The following SLIT3 variants were observed in gnomAD, a reference collection of about 807,000 sequenced individuals.
SLIT3 encodes slit guidance ligand 3, also known as slit homolog 3 protein.
SLIT3 carries 68 observed loss-of-function variants against 184.0 expected under a neutral mutation model. The ratio of observed to expected loss-of-function variants is 0.37; its 90% CI spans 0.30 to 0.45. The LOEUF (loss-of-function observed/expected upper bound fraction) is 0.45. Ranked by LOEUF, SLIT3 falls within the 20% of genes least tolerant of loss-of-function variation. The pLI is 1.00. For missense variants in SLIT3, 1,707 were observed against 2,026.0 expected, an observed-to-expected ratio of 0.84 and a Z score of 3.02; for synonymous variants, 831 against 828.6, an observed-to-expected ratio of 1.00 and a Z score of -0.05.
intron 4 of SLIT3, among the ~76,000 whole-genome samples, chr5:169,032,064 T>C (rs1252858388): frequency 6.6e-6 from 1 of 152,130 alleles, no homozygotes; most frequent in Non-Finnish European, 1.5e-5. Context: ...ACAGGCCACA[T>C]AACCAACCCC....
At chr5:169,157,321 A>T (rs1034352950) in intron 4 of SLIT3, among the ~76,000 whole-genome samples, 14 of 152,210 alleles carry the variant, frequency 9.2e-5, no homozygotes, top group African/African-American at 3.1e-4. Flanking sequence ...AGCACCCAGC[A>T]GTAAAGAAGC....
intron 4 of SLIT3, among the ~76,000 whole-genome samples, chr5:169,049,902 T>C (rs929071524): frequency 2.0e-5 from 3 of 152,196 alleles, no homozygotes; most frequent in East Asian, 1.9e-4. Context: ...GAAATGCCAC[T>C]ATAAGCATTT....
chr5:169,099,713 T>C (rs1759935061), intron 4 of SLIT3, among the ~76,000 whole-genome samples: 2 of 152,206 alleles, frequency 1.3e-5, no homozygotes, highest in Admixed American at 6.5e-5. Flanking sequence ...ATGCCGGTCA[T>C]GACCTCAATG....
chr5:168,753,119 A>T, intron 17 of SLIT3, 21 bp from the exon 18 acceptor site: 1 of 1,613,268 alleles, frequency 6.2e-7, no homozygotes. Context: ...AGGGGTGGGG[A>T]TGAGAGAGCA....
chr5:169,271,919 A>G (rs979890325), intron 1 of SLIT3, among the ~76,000 whole-genome samples: 1 of 152,216 alleles, frequency 6.6e-6, no homozygotes, highest in African/African-American at 2.4e-5. Context: ...CCCAAGGGAC[A>G]TCTGGGTCCA....
intron 20 of SLIT3, among the ~76,000 whole-genome samples, chr5:168,735,224 T>G (rs1763394294): frequency 6.6e-6 from 1 of 152,208 alleles, no homozygotes; most frequent in Non-Finnish European, 1.5e-5. Context: ...CTGCCTTGCA[T>G]GAAACTCCAC....
intron 4 of SLIT3, among the ~76,000 whole-genome samples, chr5:169,146,009 C>T (rs950645787): frequency 6.6e-6 from 1 of 152,182 alleles, no homozygotes; most frequent in African/African-American, 2.4e-5. Context: ...CGAGATCGCA[C>T]CACTCCACTC....
intron 4 of SLIT3, among the ~76,000 whole-genome samples, chr5:169,014,096 A>AAGGCAGGCAGGCAGGCAGGCAGGC (rs60057409): frequency 5.3e-4 from 79 of 150,328 alleles, no homozygotes; most frequent in African/African-American, 1.9e-3. Flanking sequence ...TGTGGGAAGG[A>AAGGCAGGCAGGCAGGCAGGCAGGC]AGGCAGGCAG....
intron 17 of SLIT3, 142 bp downstream of exon 17, chr5:168,753,722 G>T: frequency 1.0e-6 from 1 of 970,338 alleles, no homozygotes; most frequent in Non-Finnish European, 1.5e-6. Context: ...CAGAATGTCT[G>T]ATGACTCTGA....
At chr5:168,707,719 C>T (rs1719000748) in intron 26 of SLIT3, 2 of 421,414 alleles carry the variant, frequency 4.7e-6, no homozygotes, top group Non-Finnish European at 8.5e-6. Context: ...AAAGAAAATA[C>T]AAATGTTACA....
At chr5:168,729,929 C>T (rs1763243952) in intron 20 of SLIT3, among the ~76,000 whole-genome samples, 1 of 151,998 alleles carries the variant, frequency 6.6e-6, no homozygotes, top group Non-Finnish European at 1.5e-5. Context: ...TACAGATTGT[C>T]AGAATGGATA....
intron 2 of SLIT3, among the ~76,000 whole-genome samples, chr5:169,246,113 G>C (rs904698995): frequency 1.3e-5 from 2 of 152,146 alleles, no homozygotes; most frequent in African/African-American, 4.8e-5. Flanking sequence ...TGAAAATCAA[G>C]ATATTTCACA....
intron 20 of SLIT3, among the ~76,000 whole-genome samples, chr5:168,747,885 C>T (rs570216713): frequency 2.4e-4 from 37 of 152,216 alleles, no homozygotes; most frequent in Middle Eastern, 6.8e-3. Context: ...TTGTAAGCCA[C>T]GGTGCCCGCT....
At chr5:169,018,395 A>AG (rs1257971065) in intron 4 of SLIT3, 3 of 151,996 alleles carry the variant, frequency 2.0e-5, no homozygotes, top group Non-Finnish European at 4.4e-5. Flanking sequence ...TTTTGCAGGG[A>AG]GGTGAGCTGC....
chr5:168,786,025 A>C, intron 11 of SLIT3, 47 bp from the exon 12 acceptor site: 1 of 1,337,958 alleles, frequency 7.5e-7, no homozygotes, highest in Non-Finnish European at 1.1e-6. Context: ...ATGTGAGGCC[A>C]CCAGAACCCA....
chr5:169,236,142 G>T lies in SLIT3; in HGVS notation c.341+8563C>A, dbSNP rs138683370. Among the ~76,000 whole-genome samples, 295 of 152,190 alleles carry T rather than the reference G, an allele frequency of 1.9e-3. 2 individuals carry two copies. The highest frequency in any genetic ancestry group is 6.8e-3 in the African/African-American group (282 of 41,522). On this transcript the variant is annotated intron_variant, in intron 3 of 35. Transcript: ENST00000519560. ...TTACTCATTTATTTCTGTGAGTATG[G>T]ACTCATGGATATTTAAACTTTGGTA...
At chr5:168,801,021 C>T (rs1031360410) in intron 9 of SLIT3, among the ~76,000 whole-genome samples, 3 of 152,158 alleles carry the variant, frequency 2.0e-5, no homozygotes, top group African/African-American at 7.2e-5. Flanking sequence ...CCCCTTTAGG[C>T]AAAGTGGGGA....
chr5:169,218,583 G>T (rs1222562610), intron 3 of SLIT3, among the ~76,000 whole-genome samples: 1 of 152,178 alleles, frequency 6.6e-6, no homozygotes, highest in African/African-American at 2.4e-5. Flanking sequence ...CCTAAACTCT[G>T]GTTCTGCACT....
At chr5:168,883,102 T>C (rs1167402718) in intron 5 of SLIT3, among the ~76,000 whole-genome samples, 163 bp downstream of exon 5, 1 of 152,166 alleles carries the variant, frequency 6.6e-6, no homozygotes, top group East Asian at 1.9e-4. Flanking sequence ...TGTGACAGTA[T>C]TGTGGCATCC....
Sources: gnomAD v4.1 joint callset for allele counts (sites outside exome capture counted in the v4.1 genomes callset) on GRCh38, gnomAD v4.1.1 for gene constraint, MANE v1.5 for transcripts, NCBI Gene and HGNC (gene_info 2026-07-23, HGNC 2026-07-21) for gene names.